Variants in PACRG observed in about 807,000 individuals in gnomAD.
PACRG encodes parkin coregulated.
PACRG carries 29 observed loss-of-function variants against 29.7 expected under a neutral mutation model. That is an observed-to-expected ratio of 0.98 (90% CI 0.73 to 1.33). The LOEUF (loss-of-function observed/expected upper bound fraction) is 1.33. Among genes scored for constraint, PACRG ranks in the 40% most tolerant of loss-of-function variants. The pLI is 0.00. For synonymous variants in PACRG, 116 were observed against 118.7 expected, an observed-to-expected ratio of 0.98 and a Z score of 0.15; for missense variants, 279 against 316.2, an observed-to-expected ratio of 0.88 and a Z score of 0.89.
At chr6:162,809,236 A>T (rs1166086157) in intron 1 of PACRG, among the ~76,000 whole-genome samples, 1 of 152,156 alleles carries the variant, frequency 6.6e-6, no homozygotes, top group Non-Finnish European at 1.5e-5. Flanking sequence ...TGCTTCTGTT[A>T]CAAGTTCCGG....
intron 2 of PACRG, among the ~76,000 whole-genome samples, chr6:163,009,053 C>T (rs544026063): frequency 6.6e-6 from 1 of 152,132 alleles, no homozygotes; most frequent in Non-Finnish European, 1.5e-5. Flanking sequence ...TGTTTAGGTA[C>T]TGGGCAAAAT....
intron 2 of PACRG, among the ~76,000 whole-genome samples, chr6:162,873,208 G>T (rs1792979179): frequency 6.7e-6 from 1 of 149,906 alleles, no homozygotes; most frequent in Admixed American, 6.6e-5. Flanking sequence ...TTTTCTGTTT[G>T]TGTGTGTGTG....
At chr6:163,037,180 G>A (rs1808279669) in intron 2 of PACRG, among the ~76,000 whole-genome samples, 1 of 152,178 alleles carries the variant, frequency 6.6e-6, no homozygotes, top group Admixed American at 6.5e-5. Context: ...AGTGGCAGAA[G>A]AGAAGGAGGC....
intron 4 of PACRG, among the ~76,000 whole-genome samples, chr6:163,249,141 C>T (rs576326937): frequency 1.3e-5 from 2 of 150,930 alleles, no homozygotes; most frequent in South Asian, 4.2e-4. Flanking sequence ...GAATGAGAAA[C>T]ATGTTTTGAT....
At chr6:162,917,270 G>A (rs1038259485) in intron 2 of PACRG, among the ~76,000 whole-genome samples, 1 of 152,168 alleles carries the variant, frequency 6.6e-6, no homozygotes, top group Non-Finnish European at 1.5e-5. Flanking sequence ...TCCTGGAGCA[G>A]TGAAGTTCAC....
At chr6:162,985,295 G>A (rs1043845219) in intron 2 of PACRG, among the ~76,000 whole-genome samples, 6 of 151,764 alleles carry the variant, frequency 4.0e-5, no homozygotes, top group African/African-American at 9.7e-5. Context: ...ACATAGACAC[G>A]AAAATCCTCA....
At chr6:162,981,578 ATGG>A (rs1802438420) in intron 2 of PACRG, among the ~76,000 whole-genome samples, 1 of 151,782 alleles carries the variant, frequency 6.6e-6, no homozygotes, top group South Asian at 2.1e-4. Context: ...GTAAAGAAAG[ATGG>A]TGGTATTTTG....
At chr6:163,136,856 A>T (rs1816957080) in intron 4 of PACRG, among the ~76,000 whole-genome samples, 1 of 152,236 alleles carries the variant, frequency 6.6e-6, no homozygotes, top group Non-Finnish European at 1.5e-5. Context: ...TCTTGAATAG[A>T]TTGGAAATGT....
At chr6:162,947,597 T>TATACATATATAATC (rs1562767117) in intron 2 of PACRG, among the ~76,000 whole-genome samples, 1 of 70,064 alleles carries the variant, frequency 1.4e-5, no homozygotes, top group Non-Finnish European at 2.6e-5. Context: ...TATATAATCA[T>TATACATATATAATC]ATATATATAT....
At chr6:163,129,934 TC>T (rs1816667815) in intron 4 of PACRG, among the ~76,000 whole-genome samples, 1 of 152,186 alleles carries the variant, frequency 6.6e-6, no homozygotes, top group Non-Finnish European at 1.5e-5. Flanking sequence ...GGTGGATCAT[TC>T]CAGAAAATTA....
rs150756193 is a variant in PACRG, at chr6:163,089,290, C to G, written c.495C>G (p.Ile165Met). ...TGAACCTCCGAAACCGACAGGTCATCTGTGTCACTCTCAAGGTCCTCCAGC... is the reference window on the plus strand; with the variant it reads ...TGAACCTCCGAAACCGACAGGTCATGTGTGTCACTCTCAAGGTCCTCCAGC... ...NALNLRNRQV[I>M]CVTLKVLQHL... The change falls in exon 4 of 5, where the codon ATC becomes ATG. Residue 165 changes from isoleucine (I) to methionine (M), a missense_variant. Transcript: ENST00000366888. 6.2e-7 allele frequency: 1 copy of G among 1,614,084 alleles called. No individual in the cohort carries two copies. The highest frequency in any genetic ancestry group is 8.5e-7 in the Non-Finnish European group (1 of 1,179,998).
At chr6:162,951,230 G>C (rs1328795954) in intron 2 of PACRG, among the ~76,000 whole-genome samples, 1 of 152,204 alleles carries the variant, frequency 6.6e-6, no homozygotes, top group Admixed American at 6.5e-5. Context: ...AAGGGTTTGG[G>C]CTTTATAGCA....
chr6:162,980,378 G>A (rs1450316344), intron 2 of PACRG, among the ~76,000 whole-genome samples: 2 of 152,056 alleles, frequency 1.3e-5, no homozygotes, highest in African/African-American at 2.4e-5. Context: ...TTCAGTAGGG[G>A]CAGTTGAGAT....
rs1463024578 is a variant in PACRG at position 163,148,969 on chromosome 6, G to T, written c.613+59561G>T. Reference sequence around the variant, plus strand: ...TTGTGAAAAATCTATGGCGGGGGGGGGGGGGGGGGGGGTGGAAAAATGTCC... The same window carrying T: ...TTGTGAAAAATCTATGGCGGGGGGGTGGGGGGGGGGGGTGGAAAAATGTCC... On this transcript the variant is annotated intron_variant, in intron 4 of 4. Transcript: ENST00000366888. Among the ~76,000 whole-genome samples the T allele has an allele frequency of 1.2e-4, 9 of 78,182 alleles. 1 individual carries two copies. Among genetic ancestry groups the T allele is most frequent in the African/African-American group, 2.6e-4 (6 of 22,764 alleles). 51.3% of individuals were successfully genotyped at this position (78,182 alleles called of 152,430 possible). A position where few individuals can be genotyped will look rare whatever the true frequency, so the allele number is the denominator to read the frequency against.
intron 2 of PACRG, among the ~76,000 whole-genome samples, chr6:162,827,641 A>G (rs1490837579): frequency 1.3e-5 from 2 of 152,180 alleles, no homozygotes; most frequent in African/African-American, 4.8e-5. Flanking sequence ...TTAAATAATC[A>G]CTTTGTTCTT....
At chr6:162,848,777 T>A (rs1027778268) in intron 2 of PACRG, among the ~76,000 whole-genome samples, 3 of 152,382 alleles carry the variant, frequency 2.0e-5, no homozygotes, top group African/African-American at 7.2e-5. Flanking sequence ...GATCTGAATA[T>A]ACACTATATG....
chr6:163,277,969 C>A (rs1356998828), intron 4 of PACRG, among the ~76,000 whole-genome samples: 1 of 152,044 alleles, frequency 6.6e-6, no homozygotes, highest in Non-Finnish European at 1.5e-5. Context: ...TAAAACTGTT[C>A]CCTTTTCACC....
intron 4 of PACRG, among the ~76,000 whole-genome samples, chr6:163,274,180 C>T (rs541886146): frequency 0.011 from 1,694 of 152,254 alleles, 33 homozygotes; most frequent in African/African-American, 0.039. Context: ...TCCCTCCCCG[C>T]TCCCTCCACC....
At chr6:162,882,782 C>T (rs1005135862) in intron 2 of PACRG, among the ~76,000 whole-genome samples, 2 of 152,206 alleles carry the variant, frequency 1.3e-5, no homozygotes, top group African/African-American at 2.4e-5. Context: ...ACCCGACTGT[C>T]CAGGAAGCCT....
Sources: allele counts gnomAD v4.1 joint callset (sites outside exome capture counted in the v4.1 genomes callset), GRCh38; gene constraint gnomAD v4.1.1; transcripts MANE v1.5; gene names NCBI Gene and HGNC (gene_info 2026-07-23, HGNC 2026-07-21).